ZNF560: variants seen among roughly 807,000 people sequenced by gnomAD.
ZNF560 encodes the protein zinc finger protein 560.
ZNF560 carries 54 observed loss-of-function variants against 81.8 expected under a neutral mutation model. That is an observed-to-expected ratio of 0.66 (90% CI 0.53 to 0.83). The LOEUF is 0.83. ZNF560 is among the 40% of genes least tolerant of loss of function. The pLI is 0.00. For synonymous variants in ZNF560, 321 were observed against 317.9 expected, an observed-to-expected ratio of 1.01 and a Z score of -0.10; for missense variants, 940 against 932.4, an observed-to-expected ratio of 1.01 and a Z score of -0.11.
chr19:9,494,975 A>C (rs751902772), intron 2 of ZNF560, among the ~76,000 whole-genome samples: 10 of 152,142 alleles, frequency 6.6e-5, no homozygotes, highest in Non-Finnish European at 1.2e-4. Flanking sequence ...CTAGGAGCTG[A>C]GCACAGCCTC....
At chr19:9,504,169 C>T in the ZNF560 span, among the ~76,000 whole-genome samples, 1 of 152,156 alleles carries the variant, frequency 6.6e-6, no homozygotes, top group Non-Finnish European at 1.5e-5. Flanking sequence ...TGCGGTGGCT[C>T]ACACCTGTAA....
At chr19:9,468,807 G>C (rs1187898728) in intron 9 of ZNF560, among the ~76,000 whole-genome samples, 1 of 146,304 alleles carries the variant, frequency 6.8e-6, no homozygotes, top group African/African-American at 2.6e-5. Flanking sequence ...TCAGCTCACT[G>C]CAACCTCCAC....
intron 2 of ZNF560, among the ~76,000 whole-genome samples, chr19:9,494,629 G>C (rs962935027): frequency 6.6e-6 from 1 of 150,870 alleles, no homozygotes; most frequent in Non-Finnish European, 1.5e-5. Context: ...CCAGCTACTC[G>C]GGAAGATGAG....
intron 2 of ZNF560, among the ~76,000 whole-genome samples, chr19:9,494,069 T>C (rs1191155547): frequency 1.3e-5 from 2 of 148,794 alleles, no homozygotes; most frequent in South Asian, 2.1e-4. Flanking sequence ...GAGGCGGAGG[T>C]TGCAGAGAGC....
At chr19:9,473,102 A>G in intron 5 of ZNF560, 77 bp downstream of exon 5, 1 of 1,184,798 alleles carries the variant, frequency 8.4e-7, no homozygotes, top group South Asian at 1.2e-5. Flanking sequence ...CTTTCTTGCA[A>G]CACAAGAACA....
chr19:9,480,661 C>T (rs77145439), intron 2 of ZNF560, among the ~76,000 whole-genome samples: 15,201 of 151,468 alleles, frequency 0.1, 905 homozygotes, highest in South Asian at 0.2. Context: ...AAAAAAAAGC[C>T]GGGCACAGTG....
At chr19:9,474,802 C>T (rs1163046557) in intron 3 of ZNF560, among the ~76,000 whole-genome samples, 1 of 150,608 alleles carries the variant, frequency 6.6e-6, no homozygotes, top group African/African-American at 2.5e-5. Context: ...AGGACTACAG[C>T]CATGCACCAC....
At chr19:9,481,133 G>C (rs60265198) in intron 2 of ZNF560, among the ~76,000 whole-genome samples, 22,531 of 149,340 alleles carry the variant, frequency 0.15, 2,539 homozygotes, top group African/African-American at 0.31. Context: ...TCTACACCAT[G>C]TGATCTTTGA....
At chr19:9,482,472 A>AGGAC (rs1214725452) in intron 2 of ZNF560, among the ~76,000 whole-genome samples, 2 of 151,710 alleles carry the variant, frequency 1.3e-5, no homozygotes, top group Non-Finnish European at 2.9e-5. Context: ...GAAGGAAGGA[A>AGGAC]GGAAGGAAGA....
At position 9,466,992 on chromosome 19, in the gene ZNF560, C is replaced by A. The variant is rs150707499; in HGVS notation, c.1955G>T (p.Gly652Val). The A allele has an allele frequency of 3.0e-4, 477 of 1,614,058 alleles. 7 individuals are homozygous for A. In the African/African-American group the frequency reaches 5.7e-3, roughly 19 times the overall value. The change falls in exon 10 of 10, where the codon GGA becomes GTA. Residue 652 changes from glycine to valine, a missense_variant. Gly to Val is a moderately radical substitution (Grantham distance 109). Transcript: ENST00000301480. ...TGCATTACATTTATAGGGTTTATAT[C>A]CAGTGTGAGTTCTTAAATGATCAAC... ...SLVDHLRTHTGYKPYKCNACE... is the reference protein window; with the variant it reads ...SLVDHLRTHTVYKPYKCNACE...
the ZNF560 span, among the ~76,000 whole-genome samples, chr19:9,506,648 C>A: frequency 1.3e-5 from 2 of 151,888 alleles, no homozygotes; most frequent in Admixed American, 1.3e-4. Context: ...TGAAGAACTC[C>A]TTTTAGCATC....
chr19:9,450,117 C>A, the ZNF560 span, among the ~76,000 whole-genome samples: 1 of 151,560 alleles, frequency 6.6e-6, no homozygotes, highest in African/African-American at 2.4e-5. Context: ...ATGGCGAAAC[C>A]CTGTCTCTAT....
downstream of ZNF560, among the ~76,000 whole-genome samples, chr19:9,464,521 C>A (rs2072984908): frequency 6.6e-6 from 1 of 152,206 alleles, no homozygotes. Context: ...GACCCTTCTT[C>A]AACCCTGACC....
the ZNF560 span, among the ~76,000 whole-genome samples, chr19:9,449,637 A>G: frequency 0.036 from 5,527 of 152,272 alleles, 351 homozygotes; most frequent in African/African-American, 0.13. Context: ...TGCAGCCAAC[A>G]TCATACTAAA....
intron 2 of ZNF560, among the ~76,000 whole-genome samples, chr19:9,496,408 T>G (rs959315172): frequency 3.3e-5 from 5 of 151,572 alleles, no homozygotes; most frequent in South Asian, 2.1e-4. Flanking sequence ...GTATTTTTAG[T>G]AGAGACAGGG....
At chr19:9,479,945 C>T (rs561451946) in intron 2 of ZNF560, among the ~76,000 whole-genome samples, 12 of 152,112 alleles carry the variant, frequency 7.9e-5, no homozygotes, top group Non-Finnish European at 1.6e-4. Context: ...ACTACATATG[C>T]CAACAACAAC....
intron 2 of ZNF560, among the ~76,000 whole-genome samples, chr19:9,490,935 C>G (rs1173303241): frequency 6.6e-6 from 1 of 152,146 alleles, no homozygotes; most frequent in Non-Finnish European, 1.5e-5. Context: ...CTCCTGTTTT[C>G]CACCGAAATA....
chr19:9,476,181 C>T (rs2073199170), intron 2 of ZNF560, among the ~76,000 whole-genome samples: 2 of 152,134 alleles, frequency 1.3e-5, no homozygotes, highest in African/African-American at 4.8e-5. Context: ...TGATAATCCC[C>T]ACATGTCAAG....
At chr19:9,453,140 CAA>C in the ZNF560 span, among the ~76,000 whole-genome samples, 3 of 152,024 alleles carry the variant, frequency 2.0e-5, no homozygotes, top group African/African-American at 4.8e-5. Context: ...AGAAGAGACA[CAA>C]GAGTGTTTGC....
Sources: gnomAD v4.1 joint callset for allele counts (sites outside exome capture counted in the v4.1 genomes callset) on GRCh38, gnomAD v4.1.1 for gene constraint, MANE v1.5 for transcripts, NCBI Gene and HGNC (gene_info 2026-07-23, HGNC 2026-07-21) for gene names.